IQGAP1: variants seen among roughly 807,000 people sequenced by gnomAD.
The protein encoded by IQGAP1 is IQ motif containing GTPase activating protein 1.
Under a neutral mutation model 215.6 loss-of-function variants are expected in IQGAP1, and 66 were observed. The ratio of observed to expected loss-of-function variants is 0.31; its 90% CI spans 0.25 to 0.38. The LOEUF is 0.38. Ranked by LOEUF, IQGAP1 falls within the 10% of genes least tolerant of loss-of-function variation. IQGAP1 has a pLI of 1.00. For missense variants in IQGAP1, 1,712 were observed against 1,997.1 expected, an observed-to-expected ratio of 0.86 and a Z score of 2.72; for synonymous variants, 772 against 728.7, an observed-to-expected ratio of 1.06 and a Z score of -0.96.
chr15:90,483,746 T>A (rs2151036076), intron 29 of IQGAP1, among the ~76,000 whole-genome samples, 153 bp downstream of exon 29: 1 of 152,308 alleles, frequency 6.6e-6, no homozygotes, highest in South Asian at 2.1e-4. Flanking sequence ...AGATGATCCA[T>A]TTACTTTGAA....
At position 90,500,521 on chromosome 15, in the gene IQGAP1, A is replaced by T. The variant is rs1027429641; in HGVS notation, c.*413A>T. On this transcript the variant is annotated 3_prime_UTR_variant, in exon 38 of 38. Transcript: ENST00000268182. ...CTATTAGCACCAATGACATAAATAC[A>T]TACAAGACACACAACTAAAATGTCA... 3.2e-5 allele frequency: 5 copies of T among 156,776 alleles called. No individual in the cohort carries two copies. Among genetic ancestry groups the T allele is most frequent in the Admixed American group, 3.1e-4 (5 of 15,974 alleles). 9.7% of individuals were successfully genotyped at this position (156,776 alleles called of 1,614,324 possible).
At chr15:90,449,741 C>A in intron 11 of IQGAP1, 98 bp downstream of exon 11, 1 of 970,636 alleles carries the variant, frequency 1.0e-6, no homozygotes. Flanking sequence ...CCACTCTGAG[C>A]CTACTAGCCA....
Position 90,418,433 on chromosome 15 carries a change from T to A in IQGAP1, c.156-7677T>A, listed in dbSNP as rs548352187. On this transcript the variant is annotated intron_variant, in intron 2 of 37. Transcript: ENST00000268182. ...GAGTTGCTGTCTCTACAAATAATTT[T>A]AAAAATTAGCCTCGTGTGGTGGTAC... Among the ~76,000 whole-genome samples, 12 of 151,540 alleles carry A rather than the reference T, an allele frequency of 7.9e-5. 1 individual carries two copies. The highest frequency in any genetic ancestry group is 7.2e-4 in the Admixed American group (11 of 15,222).
At chr15:90,426,456 T>C (rs1426552933) in intron 3 of IQGAP1, among the ~76,000 whole-genome samples, 190 bp downstream of exon 3, 1 of 152,100 alleles carries the variant, frequency 6.6e-6, no homozygotes. Flanking sequence ...TATTATTACA[T>C]CTCTTTTAGA....
chr15:90,495,820 G>A (rs2151040983), intron 36 of IQGAP1, among the ~76,000 whole-genome samples: 1 of 150,260 alleles, frequency 6.7e-6, no homozygotes, highest in African/African-American at 2.4e-5. Context: ...TGTATTTTTA[G>A]TAGAGATGGG....
chr15:90,477,992 C>G (rs545931919), intron 26 of IQGAP1, 103 bp downstream of exon 26: 9 of 762,558 alleles, frequency 1.2e-5, no homozygotes, highest in African/African-American at 1.1e-4. Flanking sequence ...AATAGTTTTT[C>G]TTTTCTTTTC....
intron 4 of IQGAP1, among the ~76,000 whole-genome samples, chr15:90,430,439 T>G (rs1965286389): frequency 6.6e-6 from 1 of 152,110 alleles, no homozygotes; most frequent in Non-Finnish European, 1.5e-5. Flanking sequence ...TTTTTAGCAT[T>G]GATTATGATA....
At chr15:90,477,947 TC>T (rs1555441005) in intron 26 of IQGAP1, 58 bp downstream of exon 26, 1 of 1,089,182 alleles carries the variant, frequency 9.2e-7, no homozygotes, top group South Asian at 1.3e-5. Flanking sequence ...CCCTCTTTTT[TC>T]CCCTCTCTTT....
chr15:90,468,830 C>CA (rs1234586626), intron 18 of IQGAP1, among the ~76,000 whole-genome samples: 8 of 151,866 alleles, frequency 5.3e-5, no homozygotes, highest in Admixed American at 1.3e-4. Flanking sequence ...GACCCTGTCT[C>CA]AAAAAAAGGA....
intron 2 of IQGAP1, among the ~76,000 whole-genome samples, chr15:90,392,244 G>C (rs1964645803): frequency 6.6e-6 from 1 of 152,198 alleles, no homozygotes; most frequent in Non-Finnish European, 1.5e-5. Context: ...GGGTTTCAGT[G>C]ATGACTTAAG....
intron 33 of IQGAP1, among the ~76,000 whole-genome samples, chr15:90,489,692 C>A (rs1365557791): frequency 6.6e-6 from 1 of 152,156 alleles, no homozygotes; most frequent in African/African-American, 2.4e-5. Flanking sequence ...AATGAAGTCT[C>A]AGCTGTCAGT....
rs533612330 is a variant in IQGAP1 at position 90,402,754 on chromosome 15, G to C, written c.155+11881G>C. Among the ~76,000 whole-genome samples the C allele has an allele frequency of 7.2e-5, 11 of 151,906 alleles. No homozygotes were observed. In the East Asian group the frequency reaches 1.9e-3, roughly 27 times the overall value. ...ATTGAGGAATACAAGAGGGAGTGGG[G>C]GCAAAATTAGAAAAGGAAAAGTTGA... On this transcript the variant is annotated intron_variant, in intron 2 of 37. Coordinates refer to ENST00000268182, the MANE Select transcript of IQGAP1 (RefSeq NM_003870.4).
rs180968648 is a variant in IQGAP1, at chr15:90,468,763, C to G, written c.2178+1171C>G. 5.5e-3 allele frequency among the ~76,000 whole-genome samples: 841 copies of G among 152,018 alleles called. 6 individuals carry two copies. Among genetic ancestry groups the G allele is most frequent in the African/African-American group, 0.019 (806 of 41,442 alleles). On this transcript the variant is annotated intron_variant, in intron 18 of 37. Transcript: ENST00000268182. ...GAAGGATCACTTGAGCCCGGGAGGT[C>G]AAGGCTGTAACGAGCCATGATCACA...
chr15:90,471,682 T>G lies in IQGAP1; in HGVS notation c.2179-1158T>G, dbSNP rs552586127. On this transcript the variant is annotated intron_variant, in intron 18 of 37. Coordinates refer to ENST00000268182, the MANE Select transcript of IQGAP1 (RefSeq NM_003870.4). Reference sequence around the variant, plus strand: ...ACCTGGCTAATTTTTGTATTTTTAGTAGAGATGGGGTTTCTCCATGTTGGT... The same window carrying G: ...ACCTGGCTAATTTTTGTATTTTTAGGAGAGATGGGGTTTCTCCATGTTGGT... 1.3e-4 allele frequency among the ~76,000 whole-genome samples: 20 copies of G among 152,180 alleles called. No individual in the cohort carries two copies. In the East Asian group the frequency reaches 3.5e-3, roughly 26 times the overall value.
rs766276995 is a variant in IQGAP1, at chr15:90,426,166, G to T, written c.212G>T (p.Gly71Val). 6.2e-7 allele frequency: 1 copy of T among 1,603,638 alleles called. No homozygotes were observed. Among genetic ancestry groups the T allele is most frequent in the Non-Finnish European group, 8.5e-7 (1 of 1,176,098 alleles). Reference protein sequence around the residue: ...DLPPTTELEEGLRNGVYLAKL... With the variant: ...DLPPTTELEEVLRNGVYLAKL... ...CCTCCCACCACAGAACTGGAGGAGGGGCTTAGGAATGGGGTCTACCTTGCC... is the reference window on the plus strand; with the variant it reads ...CCTCCCACCACAGAACTGGAGGAGGTGCTTAGGAATGGGGTCTACCTTGCC... Residue 71 changes from glycine (G) to valine (V), a missense_variant, in exon 3 of 38, where the codon GGG becomes GTG. Physicochemically the swap from Gly to Val is moderately radical, Grantham distance 109 (BLOSUM62 -3). Around this residue, in one of 2 missense-constraint regions of IQGAP1, gnomAD observed 1,021 missense variants for 1,074.2 expected, o/e 0.95. Coordinates refer to ENST00000268182, the MANE Select transcript of IQGAP1 (RefSeq NM_003870.4).
At chr15:90,483,239 A>AT (rs1382596425) in intron 28 of IQGAP1, 122 bp from the exon 29 acceptor site, 8 of 670,452 alleles carry the variant, frequency 1.2e-5, no homozygotes, top group Non-Finnish European at 2.1e-5. Flanking sequence ...GTGTATATGT[A>AT]TTTTTTATTT....
At chr15:90,466,153 A>G in intron 16 of IQGAP1, 62 bp downstream of exon 16, 2 of 1,578,426 alleles carry the variant, frequency 1.3e-6, no homozygotes, top group Non-Finnish European at 1.7e-6. Flanking sequence ...TGCTCCGTAC[A>G]GCTTGACCAA....
At chr15:90,404,145 T>TACA (rs1964843193) in intron 2 of IQGAP1, among the ~76,000 whole-genome samples, 1 of 152,228 alleles carries the variant, frequency 6.6e-6, no homozygotes, top group Non-Finnish European at 1.5e-5. Flanking sequence ...TGTATGAGTA[T>TACA]TCTTGCAGGA....
At chr15:90,471,794 C>T (rs1965909558) in intron 18 of IQGAP1, among the ~76,000 whole-genome samples, 1 of 151,522 alleles carries the variant, frequency 6.6e-6, no homozygotes, top group African/African-American at 2.4e-5. Context: ...GCCACCACGC[C>T]TGGCCACTCG....
Sources: gnomAD v4.1 joint callset for allele counts (sites outside exome capture counted in the v4.1 genomes callset) on GRCh38, gnomAD v4.1.1 for gene constraint, gnomAD v4.1.1 regional missense constraint, MANE v1.5 for transcripts, NCBI Gene and HGNC (gene_info 2026-07-23, HGNC 2026-07-21) for gene names.